BBS9: variants seen among roughly 807,000 people sequenced by gnomAD.
BBS9 encodes the protein Bardet-Biedl syndrome 9.
BBS9 carries 89 observed loss-of-function variants against 117.7 expected under a neutral mutation model. The ratio of observed to expected loss-of-function variants is 0.76; its 90% CI spans 0.64 to 0.90. The LOEUF is 0.90. BBS9 is among the 40% of genes least tolerant of loss of function. The pLI is 0.00. For missense variants in BBS9, 982 were observed against 1,042.2 expected (o/e 0.94, Z 0.80); for synonymous variants, 379 against 370.9 (o/e 1.02, Z -0.25).
intron 4 of BBS9, among the ~76,000 whole-genome samples, chr7:33,160,905 T>C (rs1584225217): frequency 6.6e-6 from 1 of 152,146 alleles, no homozygotes; most frequent in Non-Finnish European, 1.5e-5. Context: ...GCTAATGTTA[T>C]AACATCAGCC....
chr7:33,551,669 C>G (rs1218002825), intron 21 of BBS9, among the ~76,000 whole-genome samples: 1 of 152,090 alleles, frequency 6.6e-6, no homozygotes, highest in East Asian at 1.9e-4. Context: ...AAGCCCTGCC[C>G]TCAGGGAATT....
At position 33,244,232 on chromosome 7, in the gene BBS9, AAAAC is replaced by A. The variant is rs142877067; in HGVS notation, c.443-12992_443-12989del. Among the ~76,000 whole-genome samples the A allele has an allele frequency of 8.7e-3, 1,328 of 152,268 alleles. 17 individuals carry two copies. Among genetic ancestry groups the A allele is most frequent in the South Asian group, 0.044 (211 of 4,824 alleles). ...GTGACAGAGTGAGACTCCATCTCAA[AAAAC>A]AAACAAACAAATAAACAAACAAACA... On this transcript the variant is annotated intron_variant, in intron 5 of 22. Transcript: ENST00000242067.
chr7:33,250,134 T>G (rs1796001177), intron 5 of BBS9, among the ~76,000 whole-genome samples: 1 of 152,232 alleles, frequency 6.6e-6, no homozygotes, highest in African/African-American at 2.4e-5. Context: ...GCCAGATGGA[T>G]TCCTATTTGA....
intron 5 of BBS9, among the ~76,000 whole-genome samples, chr7:33,202,305 G>T (rs1259974206): frequency 6.6e-6 from 1 of 152,130 alleles, no homozygotes; most frequent in Non-Finnish European, 1.5e-5. Flanking sequence ...AACTGTGCTT[G>T]CCCATGAACT....
At chr7:33,368,240 A>C (rs191566146) in intron 17 of BBS9, among the ~76,000 whole-genome samples, 112 of 152,278 alleles carry the variant, frequency 7.4e-4, no homozygotes, top group African/African-American at 2.5e-3. Flanking sequence ...GGGAACTCCT[A>C]GAACTTGGAA....
chr7:33,582,934 A>T (rs1860235472), intron 21 of BBS9, among the ~76,000 whole-genome samples: 1 of 152,134 alleles, frequency 6.6e-6, no homozygotes, highest in Non-Finnish European at 1.5e-5. Context: ...CAGCCTTTGG[A>T]ACAAGACTGC....
At chr7:33,613,508 T>C (rs753978308) in intron 21 of BBS9, among the ~76,000 whole-genome samples, 1 of 151,674 alleles carries the variant, frequency 6.6e-6, no homozygotes, top group Non-Finnish European at 1.5e-5. Context: ...TGGATAAGAG[T>C]TGGAAGGCTG....
At chr7:33,468,547 G>C (rs1209019023) in intron 19 of BBS9, among the ~76,000 whole-genome samples, 1 of 152,056 alleles carries the variant, frequency 6.6e-6, no homozygotes, top group African/African-American at 2.4e-5. Context: ...AAATCTTCTA[G>C]CTATCTTGAA....
chr7:33,445,754 C>G (rs897414714), intron 19 of BBS9, among the ~76,000 whole-genome samples: 3 of 152,104 alleles, frequency 2.0e-5, no homozygotes, highest in Non-Finnish European at 4.4e-5. Context: ...GGGGGCAGTT[C>G]CCCCATGCTG....
intron 17 of BBS9, among the ~76,000 whole-genome samples, chr7:33,368,752 C>G (rs980750811): frequency 6.6e-6 from 1 of 151,904 alleles, no homozygotes; most frequent in Non-Finnish European, 1.5e-5. Context: ...AATAAGAGTA[C>G]AATAAGGCCA....
Position 33,605,943 on chromosome 7 carries a change from C to G in BBS9, c.*717C>G, listed in dbSNP as rs1287337968. On this transcript the variant is annotated 3_prime_UTR_variant, in exon 23 of 23. Coordinates refer to ENST00000242067, the MANE Select transcript of BBS9 (RefSeq NM_198428.3). ...TAAAAATCCAGGTTATTAAAGGATT[C>G]ACACTTTATTACAGTTAAAATTTAA... is the stretch of plus-strand genomic sequence containing the variant. The G allele has an allele frequency of 1.3e-5, 2 of 152,236 alleles. No homozygotes were observed. Among genetic ancestry groups the G allele is most frequent in the African/African-American group, 2.4e-5 (1 of 41,442 alleles). 9.4% of individuals were successfully genotyped at this position (152,236 alleles called of 1,614,324 possible).
At chr7:33,529,310 C>G (rs1850194466) in intron 20 of BBS9, among the ~76,000 whole-genome samples, 1 of 152,168 alleles carries the variant, frequency 6.6e-6, no homozygotes. Flanking sequence ...CAGGCAGGGC[C>G]TCGGCCCCTG....
At chr7:33,167,844 A>C (rs992637612) in intron 4 of BBS9, among the ~76,000 whole-genome samples, 2 of 152,194 alleles carry the variant, frequency 1.3e-5, no homozygotes, top group South Asian at 4.1e-4. Flanking sequence ...GGATGCTTGT[A>C]AAGTTTTCAG....
At chr7:33,225,945 G>A (rs1001489682) in intron 5 of BBS9, among the ~76,000 whole-genome samples, 6 of 152,118 alleles carry the variant, frequency 3.9e-5, no homozygotes, top group African/African-American at 7.2e-5. Context: ...ACACATGTGT[G>A]TGCATATGCA....
chr7:33,429,861 A>C (rs1441883630), intron 19 of BBS9, among the ~76,000 whole-genome samples: 1 of 151,972 alleles, frequency 6.6e-6, no homozygotes, highest in Non-Finnish European at 1.5e-5. Context: ...AAATTAAAAA[A>C]CCTATAGTTT....
chr7:33,576,326 A>G (rs1858854985), intron 21 of BBS9, among the ~76,000 whole-genome samples: 1 of 152,180 alleles, frequency 6.6e-6, no homozygotes, highest in Admixed American at 6.5e-5. Flanking sequence ...AGAGAATAAA[A>G]TACCTAGGAA....
intron 9 of BBS9, among the ~76,000 whole-genome samples, chr7:33,285,650 G>A (rs1383374077): frequency 6.6e-6 from 1 of 152,076 alleles, no homozygotes; most frequent in Non-Finnish European, 1.5e-5. Flanking sequence ...CAAGAATTGT[G>A]CTTATAATGT....
At chr7:33,356,348 T>A (rs1397150926) in intron 15 of BBS9, among the ~76,000 whole-genome samples, 2 of 151,818 alleles carry the variant, frequency 1.3e-5, no homozygotes, top group Admixed American at 1.3e-4. Context: ...TCTTAGATCA[T>A]GTTACCATAA....
At chr7:33,292,289 G>A (rs1215932282) in intron 9 of BBS9, among the ~76,000 whole-genome samples, 1 of 151,746 alleles carries the variant, frequency 6.6e-6, no homozygotes, top group East Asian at 1.9e-4. Flanking sequence ...GTGCAGTGGT[G>A]TGCCCATAGC....
Sources: gnomAD v4.1 joint callset for allele counts (sites outside exome capture counted in the v4.1 genomes callset) on GRCh38, gnomAD v4.1.1 for gene constraint, MANE v1.5 for transcripts, NCBI Gene and HGNC (gene_info 2026-07-23, HGNC 2026-07-21) for gene names.